TENM3: variants seen among roughly 807,000 people sequenced by gnomAD.
The protein encoded by TENM3 is teneurin-3.
In TENM3, 63 loss-of-function variants were observed where a neutral mutation model predicts 255.1. The ratio of observed to expected loss-of-function variants is 0.25; its 90% CI spans 0.20 to 0.30. The LOEUF is 0.30. Ranked by LOEUF, TENM3 falls within the 10% of genes least tolerant of loss-of-function variation. The pLI is 1.00. For missense variants in TENM3, 2,929 were observed against 3,461.1 expected (o/e 0.85, Z 3.86); for synonymous variants, 1,306 against 1,322.3 (o/e 0.99, Z 0.27).
intron 7 of TENM3, among the ~76,000 whole-genome samples, 184 bp from the exon 8 acceptor site, chr4:182,679,482 C>T (rs374633291): frequency 2.6e-5 from 4 of 152,106 alleles, no homozygotes; most frequent in South Asian, 4.2e-4. Context: ...CCCTGTGTGG[C>T]GAATAGTTTG....
At chr4:181,697,375 G>GT in the TENM3 span, among the ~76,000 whole-genome samples, 4,712 of 152,118 alleles carry the variant, frequency 0.031, 106 homozygotes, top group Middle Eastern at 0.099. Context: ...TTCCTGGTGG[G>GT]TTTTTTTGTG....
At chr4:181,885,707 A>G in the TENM3 span, among the ~76,000 whole-genome samples, 4 of 152,252 alleles carry the variant, frequency 2.6e-5, no homozygotes, top group African/African-American at 9.6e-5. Flanking sequence ...ATATCAAATA[A>G]CATCTTAAGT....
At chr4:181,506,244 G>GATATTGGGATATA in the TENM3 span, among the ~76,000 whole-genome samples, 2 of 152,140 alleles carry the variant, frequency 1.3e-5, no homozygotes, top group East Asian at 3.9e-4. Flanking sequence ...AAAGTTTAGG[G>GATATTGGGATATA]ACTTCTTGGG....
intron 3 of TENM3, among the ~76,000 whole-genome samples, chr4:182,564,318 A>G (rs2151985345): frequency 6.6e-6 from 1 of 151,784 alleles, no homozygotes; most frequent in Non-Finnish European, 1.5e-5. Context: ...AAAAAAAAAA[A>G]AGAAATTGTA....
Position 182,710,479 on chromosome 4 carries a change from A to G in TENM3, c.2222-3608A>G, listed in dbSNP as rs373227827. On this transcript the variant is annotated intron_variant, in intron 12 of 27. Coordinates refer to ENST00000511685, the MANE Select transcript of TENM3 (RefSeq NM_001080477.4). ...TAATTTTCCTTGCATCATCTTATCA[A>G]TTAGCTGTAAACATGCTTATTTTAA... is the stretch of plus-strand genomic sequence containing the variant. Among the ~76,000 whole-genome samples the G allele has an allele frequency of 5.9e-5, 9 of 152,336 alleles. No individual in the cohort carries two copies. In the East Asian group the frequency reaches 9.6e-4, roughly 16 times the overall value.
At chr4:181,812,709 C>T in the TENM3 span, among the ~76,000 whole-genome samples, 1 of 152,084 alleles carries the variant, frequency 6.6e-6, no homozygotes, top group African/African-American at 2.4e-5. Context: ...CCAGAGTGGT[C>T]ACATGAGAGG....
the TENM3 span, among the ~76,000 whole-genome samples, chr4:182,072,164 G>A: frequency 6.6e-6 from 1 of 152,144 alleles, no homozygotes; most frequent in South Asian, 2.1e-4. Context: ...TAACTGCCTT[G>A]TGGGATACTT....
the TENM3 span, among the ~76,000 whole-genome samples, chr4:181,565,843 T>A: frequency 6.6e-6 from 1 of 152,200 alleles, no homozygotes; most frequent in Non-Finnish European, 1.5e-5. Flanking sequence ...AATCCTATGA[T>A]TTATGGAAAG....
At chr4:181,919,931 T>C in the TENM3 span, among the ~76,000 whole-genome samples, 1 of 133,898 alleles carries the variant, frequency 7.5e-6, no homozygotes, top group Non-Finnish European at 1.5e-5. Context: ...CCCCTTCCTG[T>C]GTCCATGTGT....
chr4:181,780,710 A>C, the TENM3 span, among the ~76,000 whole-genome samples: 165 of 152,270 alleles, frequency 1.1e-3, no homozygotes, highest in African/African-American at 3.4e-3. Context: ...AAGTCCTTGC[A>C]CATGCCTATG....
At chr4:182,260,880 T>C (rs1251787877) in intron 1 of TENM3, among the ~76,000 whole-genome samples, 1 of 152,096 alleles carries the variant, frequency 6.6e-6, no homozygotes, top group East Asian at 1.9e-4. Flanking sequence ...TTATTTTCTT[T>C]CTTTTTTTTT....
intron 1 of TENM3, among the ~76,000 whole-genome samples, chr4:182,158,390 T>A (rs926308588): frequency 6.6e-6 from 1 of 151,858 alleles, no homozygotes; most frequent in Admixed American, 6.5e-5. Context: ...GCTGCGGAGA[T>A]CTGCATGGAT....
intron 3 of TENM3, among the ~76,000 whole-genome samples, chr4:182,568,165 G>A (rs1463829817): frequency 2.0e-5 from 3 of 152,124 alleles, no homozygotes; most frequent in South Asian, 2.1e-4. Context: ...GCTGTACTGC[G>A]TTTCACCTTT....
chr4:181,950,670 C>T, the TENM3 span, among the ~76,000 whole-genome samples: 5 of 152,266 alleles, frequency 3.3e-5, no homozygotes, highest in African/African-American at 1.2e-4. Flanking sequence ...ACATTGTATT[C>T]ATGCACTGTT....
At chr4:181,669,044 T>C in the TENM3 span, among the ~76,000 whole-genome samples, 4 of 152,098 alleles carry the variant, frequency 2.6e-5, no homozygotes, top group African/African-American at 4.8e-5. Flanking sequence ...AGGTCATTAG[T>C]AGTAACTCAG....
intron 3 of TENM3, among the ~76,000 whole-genome samples, chr4:182,382,591 T>C (rs1767646737): frequency 6.6e-6 from 1 of 152,140 alleles, no homozygotes; most frequent in Non-Finnish European, 1.5e-5. Context: ...CTTATCATGG[T>C]AGAGCTAACT....
the TENM3 span, among the ~76,000 whole-genome samples, chr4:182,035,118 A>T: frequency 2.6e-5 from 4 of 152,122 alleles, no homozygotes; most frequent in African/African-American, 7.2e-5. Flanking sequence ...GAGATATTCT[A>T]AACAGTCATT....
the TENM3 span, among the ~76,000 whole-genome samples, chr4:181,696,125 G>GT: frequency 6.6e-6 from 1 of 152,116 alleles, no homozygotes; most frequent in South Asian, 2.1e-4. Context: ...ATGGTGAATC[G>GT]TAAGACTAGT....
intron 3 of TENM3, among the ~76,000 whole-genome samples, chr4:182,351,390 G>A (rs1765172519): frequency 6.6e-6 from 1 of 152,190 alleles, no homozygotes; most frequent in South Asian, 2.1e-4. Context: ...CCGGTGCGAC[G>A]TTGTCACAGG....
Sources: gnomAD v4.1 joint callset for allele counts (sites outside exome capture counted in the v4.1 genomes callset) on GRCh38, gnomAD v4.1.1 for gene constraint, MANE v1.5 for transcripts, NCBI Gene and HGNC (gene_info 2026-07-23, HGNC 2026-07-21) for gene names.